CELF2: variants seen among roughly 807,000 people sequenced by gnomAD.
CELF2 encodes CUG triplet repeat RNA-binding protein 2.
A neutral mutation model predicts 62.6 loss-of-function variants in CELF2; 8 were observed. The observed-to-expected ratio is 0.13, with a 90% CI of 0.07 to 0.23. The LOEUF (loss-of-function observed/expected upper bound fraction) is 0.23, where lower values mean the gene tolerates loss of function less well. CELF2 is among the 10% of genes least tolerant of loss of function. The pLI is 1.00. For synonymous variants in CELF2, 258 were observed against 250.0 expected (o/e 1.03, Z -0.30); for missense variants, 333 against 671.0 (o/e 0.50, Z 5.56).
At chr10:10,735,029 T>A in the CELF2 span, among the ~76,000 whole-genome samples, 8 of 152,324 alleles carry the variant, frequency 5.3e-5, no homozygotes, top group South Asian at 8.3e-4. Flanking sequence ...GTTAGGGTGG[T>A]ATTTTGGGAA....
the CELF2 span, among the ~76,000 whole-genome samples, chr10:10,550,085 T>C: frequency 6.6e-6 from 1 of 152,224 alleles, no homozygotes. Flanking sequence ...AGGCTATTAA[T>C]AGCCTACTAT....
the CELF2 span, among the ~76,000 whole-genome samples, chr10:10,575,503 T>C: frequency 6.6e-6 from 1 of 152,236 alleles, no homozygotes; most frequent in Non-Finnish European, 1.5e-5. Flanking sequence ...GTGTGTTTTA[T>C]GCAACATGTC....
At chr10:10,879,236 G>A (rs2133608468) in intron 1 of CELF2, among the ~76,000 whole-genome samples, 1 of 152,294 alleles carries the variant, frequency 6.6e-6, no homozygotes, top group South Asian at 2.1e-4. Flanking sequence ...GCAATTCATT[G>A]CATCTGACAA....
At chr10:10,885,558 T>A (rs188946838) in intron 1 of CELF2, among the ~76,000 whole-genome samples, 265 of 152,156 alleles carry the variant, frequency 1.7e-3, no homozygotes, top group African/African-American at 6.1e-3. Context: ...ACAGTTTTTT[T>A]AAAAATTACA....
the CELF2 span, among the ~76,000 whole-genome samples, chr10:10,758,979 T>C: frequency 1.3e-5 from 2 of 152,198 alleles, no homozygotes; most frequent in Non-Finnish European, 2.9e-5. Flanking sequence ...TATCTCCTAA[T>C]TGTCAGAGAG....
At chr10:11,240,312 G>A (rs1043207562) in intron 3 of CELF2, among the ~76,000 whole-genome samples, 2 of 152,196 alleles carry the variant, frequency 1.3e-5, no homozygotes, top group Non-Finnish European at 2.9e-5. Context: ...AACAATGAGT[G>A]GTCTTCACTT....
At chr10:11,065,791 G>A (rs1164380201) in intron 1 of CELF2, among the ~76,000 whole-genome samples, 1 of 152,172 alleles carries the variant, frequency 6.6e-6, no homozygotes, top group Non-Finnish European at 1.5e-5. Flanking sequence ...GTCAGGGTGA[G>A]GGGTAGGAAT....
the CELF2 span, among the ~76,000 whole-genome samples, chr10:10,472,619 T>C: frequency 1.3e-5 from 2 of 151,930 alleles, no homozygotes; most frequent in Non-Finnish European, 2.9e-5. Context: ...TTTCTCTGCA[T>C]GTCTAGTAAT....
the CELF2 span, among the ~76,000 whole-genome samples, chr10:10,721,517 A>G: frequency 6.6e-6 from 1 of 152,222 alleles, no homozygotes; most frequent in Non-Finnish European, 1.5e-5. Flanking sequence ...ATACCTACTA[A>G]TGCTTCCTCT....
chr10:10,515,298 A>T, the CELF2 span, among the ~76,000 whole-genome samples: 10 of 149,348 alleles, frequency 6.7e-5, no homozygotes, highest in Non-Finnish European at 4.4e-5. Context: ...GAAATCACAC[A>T]ATTCAATTAT....
At chr10:11,230,436 G>A (rs1310048173) in intron 3 of CELF2, among the ~76,000 whole-genome samples, 2 of 152,198 alleles carry the variant, frequency 1.3e-5, no homozygotes, top group East Asian at 1.9e-4. Context: ...GGGCAACCCC[G>A]TTTGTGTGTG....
chr10:11,143,962 C>T (rs2061790718), intron 1 of CELF2, among the ~76,000 whole-genome samples: 2 of 152,332 alleles, frequency 1.3e-5, no homozygotes, highest in South Asian at 4.1e-4. Flanking sequence ...ATTCCCAGCA[C>T]TGCTGTGTAT....
intron 2 of CELF2, among the ~76,000 whole-genome samples, chr10:11,213,525 T>G (rs1056583997): frequency 1.3e-5 from 2 of 152,268 alleles, no homozygotes; most frequent in African/African-American, 4.8e-5. Context: ...TTTGCCATAA[T>G]AATTGTCATT....
At chr10:11,190,890 G>C (rs539461431) in intron 2 of CELF2, among the ~76,000 whole-genome samples, 46 of 152,118 alleles carry the variant, frequency 3.0e-4, no homozygotes, top group South Asian at 4.2e-4. Flanking sequence ...CCAGGGGCTG[G>C]AGCAGGAGGG....
intron 1 of CELF2, among the ~76,000 whole-genome samples, chr10:10,918,120 T>C (rs575073109): frequency 1.3e-5 from 2 of 152,322 alleles, no homozygotes; most frequent in South Asian, 2.1e-4. Context: ...TGAATAAATA[T>C]TTATTGAGTG....
chr10:10,840,754 A>G (rs1230901173), intron 1 of CELF2, among the ~76,000 whole-genome samples: 6 of 152,132 alleles, frequency 3.9e-5, no homozygotes, highest in African/African-American at 7.2e-5. Flanking sequence ...TACATGTGCC[A>G]TGGTGGTTTG....
At chr10:10,666,371 A>T in the CELF2 span, among the ~76,000 whole-genome samples, 1 of 152,092 alleles carries the variant, frequency 6.6e-6, no homozygotes, top group East Asian at 1.9e-4. Flanking sequence ...GCACCAGGTG[A>T]CCACACACGC....
chr10:10,868,660 C>G (rs1173119991), intron 1 of CELF2, among the ~76,000 whole-genome samples: 3 of 152,194 alleles, frequency 2.0e-5, no homozygotes, highest in Non-Finnish European at 4.4e-5. Flanking sequence ...CGGAAACTCT[C>G]CTAGTTTTCA....
At chr10:10,612,153 A>G in the CELF2 span, among the ~76,000 whole-genome samples, 1 of 152,196 alleles carries the variant, frequency 6.6e-6, no homozygotes, top group Non-Finnish European at 1.5e-5. Flanking sequence ...CACAATGGTC[A>G]GTATTATTTC....
Sources: allele counts gnomAD v4.1 joint callset (sites outside exome capture counted in the v4.1 genomes callset), GRCh38; gene constraint gnomAD v4.1.1; transcripts MANE v1.5; gene names NCBI Gene and HGNC (gene_info 2026-07-23, HGNC 2026-07-21).